Variants in ATRN observed in about 807,000 individuals in gnomAD.
ATRN encodes the protein attractin, also known as attractin-2.
In ATRN, 54 loss-of-function variants were observed where a neutral mutation model predicts 178.7. The observed-to-expected ratio is 0.30, with a 90% CI of 0.24 to 0.38. ATRN has a LOEUF of 0.38. Ranked by LOEUF, ATRN falls within the 10% of genes least tolerant of loss-of-function variation. ATRN has a pLI of 1.00. For synonymous variants in ATRN, 636 were observed against 663.0 expected, an observed-to-expected ratio of 0.96 and a Z score of 0.63; for missense variants, 1,443 against 1,815.1, an observed-to-expected ratio of 0.79 and a Z score of 3.73.
At chr20:3,564,726 G>A (rs1051387021) in intron 10 of ATRN, among the ~76,000 whole-genome samples, 7 of 152,126 alleles carry the variant, frequency 4.6e-5, no homozygotes, top group Admixed American at 2.0e-4. Flanking sequence ...TGAAACCCAT[G>A]TTTTGCTGAC....
At chr20:3,489,810 T>G (rs755659857) in intron 1 of ATRN, 3 of 1,267,696 alleles carry the variant, frequency 2.4e-6, no homozygotes, top group Non-Finnish European at 3.5e-6. Context: ...TCCACAAATC[T>G]CACAGTTATA....
At chr20:3,548,505 G>A (rs977018243) in intron 5 of ATRN, among the ~76,000 whole-genome samples, 11 of 151,144 alleles carry the variant, frequency 7.3e-5, no homozygotes, top group Non-Finnish European at 1.6e-4. Context: ...GGAGGCTGAG[G>A]CAGGAGAATG....
intron 1 of ATRN, among the ~76,000 whole-genome samples, chr20:3,477,088 A>G (rs1475384396): frequency 1.7e-5 from 2 of 115,764 alleles, no homozygotes; most frequent in Non-Finnish European, 3.5e-5. Context: ...CCCCAGTGCA[A>G]TGTAAGTTCC....
At chr20:3,516,380 T>A (rs2085206933) in intron 1 of ATRN, among the ~76,000 whole-genome samples, 1 of 152,180 alleles carries the variant, frequency 6.6e-6, no homozygotes, top group Non-Finnish European at 1.5e-5. Context: ...TACGTATAAC[T>A]GCAGCTTACC....
chr20:3,610,926 A>G (rs2086755316), intron 24 of ATRN, among the ~76,000 whole-genome samples: 1 of 152,010 alleles, frequency 6.6e-6, no homozygotes, highest in African/African-American at 2.4e-5. Flanking sequence ...GGCCCTGCAA[A>G]GGCAATTCAA....
intron 1 of ATRN, among the ~76,000 whole-genome samples, chr20:3,520,960 A>G (rs1354122205): frequency 1.3e-5 from 2 of 152,248 alleles, no homozygotes; most frequent in South Asian, 2.1e-4. Context: ...TGGAGTGGCT[A>G]TATTAAGATC....
intron 19 of ATRN, among the ~76,000 whole-genome samples, 177 bp from the exon 20 acceptor site, chr20:3,594,302 C>A (rs1262489305): frequency 6.6e-6 from 1 of 152,178 alleles, no homozygotes; most frequent in Non-Finnish European, 1.5e-5. Context: ...TTAATGTTAC[C>A]TATACATTAT....
chr20:3,607,991 T>C (rs917212399), intron 24 of ATRN, among the ~76,000 whole-genome samples: 11 of 152,240 alleles, frequency 7.2e-5, no homozygotes, highest in Admixed American at 2.0e-4. Context: ...TTTTTTCATA[T>C]GCCTGTTGGC....
At chr20:3,501,792 A>C (rs2084968384) in intron 1 of ATRN, among the ~76,000 whole-genome samples, 1 of 152,204 alleles carries the variant, frequency 6.6e-6, no homozygotes. Flanking sequence ...GTAATGGCAG[A>C]GAGACTGAGA....
chr20:3,593,503 C>T (rs1043652236), intron 19 of ATRN, among the ~76,000 whole-genome samples: 16 of 152,102 alleles, frequency 1.1e-4, no homozygotes, highest in Non-Finnish European at 1.5e-4. Context: ...GTAGCATTCC[C>T]AGAGTGACAG....
chr20:3,536,631 GA>G (rs934669211), intron 2 of ATRN, among the ~76,000 whole-genome samples: 24 of 152,032 alleles, frequency 1.6e-4, no homozygotes, highest in African/African-American at 5.1e-4. Flanking sequence ...ATATTTTAAT[GA>G]AAAAAACCCT....
intron 24 of ATRN, among the ~76,000 whole-genome samples, chr20:3,615,556 T>A (rs900600149): frequency 6.7e-6 from 1 of 149,344 alleles, no homozygotes; most frequent in Non-Finnish European, 1.5e-5. Context: ...TTTTCTTTTT[T>A]CTTTTTTTTT....
Position 3,649,347 on chromosome 20 carries a change from G to A in ATRN, c.*2500G>A, listed in dbSNP as rs1261677212. On this transcript the variant is annotated 3_prime_UTR_variant, in exon 29 of 29. Coordinates refer to ENST00000262919, the MANE Select transcript of ATRN (RefSeq NM_139321.3). The stretch of plus-strand genomic sequence containing the variant: ...TCCAGAATGTTCAGACATTCGGAGT[G>A]TACATAAAACAGAAAAAATCTTCAT... 1 of 152,620 alleles carries A rather than the reference G, an allele frequency of 6.6e-6. No individual in the cohort carries two copies. Among genetic ancestry groups the A allele is most frequent in the Non-Finnish European group, 1.5e-5 (1 of 68,038 alleles). 9.5% of individuals were successfully genotyped at this position (152,620 alleles called of 1,614,324 possible).
chr20:3,491,820 G>A (rs566113788), intron 1 of ATRN, among the ~76,000 whole-genome samples: 14 of 152,232 alleles, frequency 9.2e-5, no homozygotes, highest in African/African-American at 1.4e-4. Context: ...TCATTTGTGG[G>A]TAGAAGCAAG....
rs10601580 is a variant in ATRN at position 3,493,122 on chromosome 20, T to TTG, written c.410+21631_410+21632dup. Among the ~76,000 whole-genome samples, 667 of 141,246 alleles carry TTG rather than the reference T, an allele frequency of 4.7e-3. 3 individuals carry two copies. Among genetic ancestry groups the TTG allele is most frequent in the African/African-American group, 0.014 (524 of 38,212 alleles). The allele number at this position is 141,246 out of a possible 152,430, so 92.7% of individuals were successfully genotyped here. A position where few individuals can be genotyped will look rare whatever the true frequency, so the allele number is the denominator to read the frequency against. On this transcript the variant is annotated intron_variant, in intron 1 of 28. Coordinates refer to ENST00000262919, the MANE Select transcript of ATRN (RefSeq NM_139321.3). ...TATATACATATGTAGGTACGTTTGTTTGTGTGTGTGTGTGTGTGTGTGTGT... is the reference window on the plus strand; with the variant it reads ...TATATACATATGTAGGTACGTTTGTTTGTGTGTGTGTGTGTGTGTGTGTGTGT...
intron 25 of ATRN, among the ~76,000 whole-genome samples, chr20:3,631,150 A>G (rs1216548223): frequency 1.3e-5 from 2 of 151,448 alleles, no homozygotes; most frequent in African/African-American, 4.9e-5. Context: ...GGTTCTCACT[A>G]TATTGCCCAG....
intron 6 of ATRN, among the ~76,000 whole-genome samples, chr20:3,554,577 G>T (rs774081683): frequency 1.3e-5 from 2 of 151,770 alleles, no homozygotes; most frequent in Non-Finnish European, 2.9e-5. Flanking sequence ...CTCGTGATCT[G>T]CCCGCCTCGG....
chr20:3,471,372 G>C lies in ATRN; in HGVS notation c.265G>C (p.Ala89Pro). The C allele has an allele frequency of 6.7e-7, 1 of 1,483,072 alleles. No individual in the cohort carries two copies. 91.9% of individuals were successfully genotyped at this position (1,483,072 alleles called of 1,614,324 possible). A position where few individuals can be genotyped will look rare whatever the true frequency, so the allele number is the denominator to read the frequency against. Residue 89 changes from alanine (A) to proline (P), a missense_variant, in exon 1 of 29, where the codon GCG becomes CCG. By Grantham distance (27) the Ala-to-Pro change is conservative. Around this residue, in one of 4 missense-constraint regions of ATRN, gnomAD observed 862 missense variants for 972.1 expected, o/e 0.89. Coordinates refer to ENST00000262919, the MANE Select transcript of ATRN (RefSeq NM_139321.3). ...GGCCGAGGCCGCGGCGGCGGCGGCGGCGGTGTCGGGCTCAGCCGCAGCCGA... is the reference window on the plus strand; with the variant it reads ...GGCCGAGGCCGCGGCGGCGGCGGCGCCGGTGTCGGGCTCAGCCGCAGCCGA... ...CEAEAAAAAA[A>P]VSGSAAAEAK... is the part of the protein sequence containing the mutation.
chr20:3,489,600 A>G, intron 1 of ATRN: 1 of 1,487,474 alleles, frequency 6.7e-7, no homozygotes, highest in Non-Finnish European at 9.4e-7. Context: ...GAGTCTTCAT[A>G]TTCTTCCTCC....
Sources: allele counts gnomAD v4.1 joint callset (sites outside exome capture counted in the v4.1 genomes callset), GRCh38; gene constraint gnomAD v4.1.1; regional missense constraint gnomAD v4.1.1; transcripts MANE v1.5; gene names NCBI Gene and HGNC (gene_info 2026-07-23, HGNC 2026-07-21).